MINPP1: variants seen among roughly 807,000 people sequenced by gnomAD.
MINPP1 encodes multiple inositol-polyphosphate phosphatase 1.
MINPP1 carries 28 observed loss-of-function variants against 46.1 expected under a neutral mutation model. That is an observed-to-expected ratio of 0.61 (90% CI 0.45 to 0.83). The LOEUF is 0.83. Ranked by LOEUF, MINPP1 falls within the 40% of genes least tolerant of loss-of-function variation. MINPP1 has a pLI of 0.00. For missense variants in MINPP1, 603 were observed against 610.0 expected, an observed-to-expected ratio of 0.99 and a Z score of 0.12; for synonymous variants, 268 against 249.1, an observed-to-expected ratio of 1.08 and a Z score of -0.72.
chr10:87,546,303 G>A (rs759827650), intron 4 of MINPP1, among the ~76,000 whole-genome samples: 2 of 152,132 alleles, frequency 1.3e-5, no homozygotes, highest in African/African-American at 2.4e-5. Context: ...AAACTGTCAC[G>A]GCACAGATGG....
chr10:87,525,786 A>G (rs1378430990), intron 4 of MINPP1, among the ~76,000 whole-genome samples: 1 of 152,074 alleles, frequency 6.6e-6, no homozygotes, highest in Non-Finnish European at 1.5e-5. Context: ...GTTCCCACCT[A>G]TGAGTGAAAA....
At position 87,553,008 on chromosome 10, in the gene MINPP1, A is replaced by G. The variant is rs530832800; in HGVS notation, c.*530A>G. On this transcript the variant is annotated 3_prime_UTR_variant, in exon 5 of 5. Coordinates refer to ENST00000371996, the MANE Select transcript of MINPP1 (RefSeq NM_004897.5). ...CAGATGAGAATTTGAAACAAGAAAC[A>G]GAGTGTTGTAAAAGGACACCTTCAC... 2.0e-5 allele frequency: 3 copies of G among 152,508 alleles called. No homozygotes were observed. Among genetic ancestry groups the G allele is most frequent in the African/African-American group, 7.2e-5 (3 of 41,580 alleles). 9.4% of individuals were successfully genotyped at this position (152,508 alleles called of 1,614,324 possible).
intron 4 of MINPP1, among the ~76,000 whole-genome samples, chr10:87,527,263 T>TC (rs1397130796): frequency 6.6e-6 from 1 of 152,178 alleles, no homozygotes; most frequent in Non-Finnish European, 1.5e-5. Flanking sequence ...GTCCTTCACA[T>TC]CCCTACAATT....
chr10:87,543,950 C>T (rs1851852510), intron 4 of MINPP1, among the ~76,000 whole-genome samples: 1 of 152,204 alleles, frequency 6.6e-6, no homozygotes, highest in African/African-American at 2.4e-5. Context: ...ATATCAACTT[C>T]TGTGACCCAG....
At chr10:87,517,403 G>A (rs557658551) in intron 3 of MINPP1, among the ~76,000 whole-genome samples, 18 of 152,178 alleles carry the variant, frequency 1.2e-4, no homozygotes, top group African/African-American at 3.9e-4. Flanking sequence ...AGGGGCAAGC[G>A]GTAACTTCTT....
intron 4 of MINPP1, among the ~76,000 whole-genome samples, chr10:87,525,890 C>CT (rs1446532982): frequency 1.3e-5 from 2 of 152,200 alleles, no homozygotes; most frequent in Non-Finnish European, 2.9e-5. Context: ...TGAACTCATC[C>CT]TTTTTTATGG....
chr10:87,535,724 T>C lies in MINPP1; in HGVS notation c.1067+14555T>C, dbSNP rs138602298. 9.8e-3 allele frequency among the ~76,000 whole-genome samples: 1,488 copies of C among 152,118 alleles called. 19 individuals are homozygous for C. The highest frequency in any genetic ancestry group is 0.034 in the African/African-American group (1,417 of 41,480). ...AGGAGGATCGCTTGAGCCCAGGAGTTTGAGACCAGCGTGGGCAACAGGGGT... is the reference window on the plus strand; with the variant it reads ...AGGAGGATCGCTTGAGCCCAGGAGTCTGAGACCAGCGTGGGCAACAGGGGT... On this transcript the variant is annotated intron_variant, in intron 4 of 4. Transcript: ENST00000371996.
In MINPP1 at chr10:87,504,975, T is replaced by C. The variant is rs943130812; in HGVS notation, c.60T>C (p.Ala20=). ...RTSVAPAAAL[A]AALLSSLARC... ...CCGTAGCGCCTGCCGCGGCCCTGGC[T>C]GCGGCGCTGCTCTCGTCGCTTGCGC... is the stretch of plus-strand genomic sequence containing the variant. Residue 20 remains alanine (A), a synonymous_variant, in exon 1 of 5, where the codon GCT becomes GCC. Transcript: ENST00000371996. 2 of 1,612,210 alleles carry C rather than the reference T, an allele frequency of 1.2e-6. No individual in the cohort carries two copies. The highest frequency in any genetic ancestry group is 2.2e-5 in the East Asian group (1 of 44,858).
intron 4 of MINPP1, among the ~76,000 whole-genome samples, chr10:87,542,497 G>A (rs1382144403): frequency 2.6e-5 from 4 of 152,002 alleles, no homozygotes; most frequent in East Asian, 3.9e-4. Context: ...ACCGGATTCC[G>A]CCATGTTGGC....
chr10:87,529,407 G>A (rs1322853559), intron 4 of MINPP1, among the ~76,000 whole-genome samples: 4 of 152,142 alleles, frequency 2.6e-5, no homozygotes, highest in South Asian at 4.1e-4. Context: ...AGGCCTGGTG[G>A]TGACAAAATC....
intron 4 of MINPP1, among the ~76,000 whole-genome samples, chr10:87,537,920 C>T (rs999719383): frequency 2.6e-5 from 4 of 151,890 alleles, no homozygotes; most frequent in Non-Finnish European, 5.9e-5. Context: ...CATGCATATA[C>T]CACCATGCCT....
intron 4 of MINPP1, among the ~76,000 whole-genome samples, chr10:87,524,965 CATTACTAAAATGTGATA>C (rs1851554760): frequency 3.4e-5 from 2 of 59,454 alleles, no homozygotes; most frequent in Admixed American, 3.0e-4. Context: ...AAATGTGATA[CATTACTAAAATGTGATA>C]CATTACTAAA....
At chr10:87,539,570 G>A (rs1851783977) in intron 4 of MINPP1, among the ~76,000 whole-genome samples, 1 of 152,092 alleles carries the variant, frequency 6.6e-6, no homozygotes, top group African/African-American at 2.4e-5. Flanking sequence ...GACATTTGTG[G>A]AATATATATG....
chr10:87,520,498 T>A (rs994327320), intron 3 of MINPP1, among the ~76,000 whole-genome samples: 1 of 152,160 alleles, frequency 6.6e-6, no homozygotes, highest in Admixed American at 6.5e-5. Context: ...CTTTTATTAT[T>A]ATTTTTTCAC....
chr10:87,505,595 C>G lies in MINPP1; in HGVS notation c.637+43C>G, dbSNP rs779122692. On this transcript the variant is annotated intron_variant, in intron 1 of 4. Transcript: ENST00000371996. The surrounding 1 kb of genome is among the most constrained non-coding windows in gnomAD (Gnocchi z 4.4). ...CCGTGTGCTGTCCCGGTCCTCCCACCCGCCCTGGATGCTCTCCCGCCTCCC... is the reference window on the plus strand; with the variant it reads ...CCGTGTGCTGTCCCGGTCCTCCCACGCGCCCTGGATGCTCTCCCGCCTCCC... 5.8e-5 allele frequency: 91 copies of G among 1,561,500 alleles called. 1 individual carries two copies. In the South Asian group the frequency reaches 8.0e-4, roughly 14 times the overall value.
At chr10:87,520,740 C>T (rs1851488675) in intron 3 of MINPP1, among the ~76,000 whole-genome samples, 1 of 151,916 alleles carries the variant, frequency 6.6e-6, no homozygotes, top group African/African-American at 2.4e-5. Flanking sequence ...GAGCACATGT[C>T]CTTACTCCAC....
chr10:87,505,412 C>T lies in MINPP1; in HGVS notation c.497C>T (p.Pro166Leu), dbSNP rs1851228264. ...GCGCTGCGTCTGGCCTCGCTCTTCC[C>T]GGCCCTTTTCAGCCGTGAGAACTAC... ...QLALRLASLF[P>L]ALFSRENYGR... The change falls in exon 1 of 5, where the codon CCG (proline) becomes CTG (leucine). Residue 166 changes from proline to leucine, a missense_variant. Physicochemically the swap from Pro to Leu is moderately conservative, Grantham distance 98. Transcript: ENST00000371996. The surrounding 1 kb of genome is among the most constrained non-coding windows in gnomAD (Gnocchi z 4.4). 6.2e-7 allele frequency: 1 copy of T among 1,613,862 alleles called. No individual in the cohort carries two copies. Among genetic ancestry groups the T allele is most frequent in the Non-Finnish European group, 8.5e-7 (1 of 1,179,920 alleles).
chr10:87,539,031 G>C (rs917386385), intron 4 of MINPP1, among the ~76,000 whole-genome samples: 1 of 152,006 alleles, frequency 6.6e-6, no homozygotes, highest in African/African-American at 2.4e-5. Context: ...CTTTGTTTTT[G>C]GTTGAAGACA....
intron 3 of MINPP1, among the ~76,000 whole-genome samples, chr10:87,514,340 A>G (rs1393102544): frequency 1.3e-5 from 2 of 152,186 alleles, no homozygotes; most frequent in African/African-American, 2.4e-5. Context: ...TATGTATATC[A>G]TATATATCAC....
Sources: allele counts gnomAD v4.1 joint callset (sites outside exome capture counted in the v4.1 genomes callset), GRCh38; gene constraint gnomAD v4.1.1; non-coding constraint Gnocchi (gnomAD v3.1); transcripts MANE v1.5; gene names NCBI Gene and HGNC (gene_info 2026-07-23, HGNC 2026-07-21).